Variants in TRPM1 observed in about 807,000 individuals in gnomAD.
The protein encoded by TRPM1 is transient receptor potential cation channel subfamily M member 1, also known as TRPM1-203 APA Isoform, Intron 10.
Under a neutral mutation model 149.4 loss-of-function variants are expected in TRPM1, and 113 were observed. The ratio of observed to expected loss-of-function variants is 0.76; its 90% CI spans 0.65 to 0.88. The LOEUF is 0.88. TRPM1 is among the 40% of genes least tolerant of loss of function. The probability of loss-of-function intolerance (pLI) is 0.00; values close to 1 mark genes in which losing one functional copy is unlikely to be tolerated. For synonymous variants in TRPM1, 741 were observed against 759.5 expected, an observed-to-expected ratio of 0.98 and a Z score of 0.40; for missense variants, 1,976 against 2,038.7, an observed-to-expected ratio of 0.97 and a Z score of 0.59.
intron 27 of TRPM1, among the ~76,000 whole-genome samples, chr15:31,007,053 T>C (rs1459496851): frequency 2.0e-5 from 3 of 152,180 alleles, no homozygotes; most frequent in Non-Finnish European, 4.4e-5. Context: ...TGATTATGCT[T>C]TTGGTGTTGC....
intron 27 of TRPM1, among the ~76,000 whole-genome samples, chr15:31,012,850 C>T (rs187987956): frequency 7.6e-4 from 115 of 152,224 alleles, no homozygotes; most frequent in Non-Finnish European, 1.2e-3. Context: ...ATTTATCTTC[C>T]AGTTTGCTGA....
chr15:31,018,919 G>A (rs187029729), intron 27 of TRPM1, among the ~76,000 whole-genome samples: 2 of 152,346 alleles, frequency 1.3e-5, no homozygotes, highest in East Asian at 3.9e-4. Flanking sequence ...GCCTCCCAAA[G>A]TGCTGAGATT....
chr15:31,126,152 G>C (rs1028004932), intron 1 of TRPM1, among the ~76,000 whole-genome samples: 1 of 151,752 alleles, frequency 6.6e-6, no homozygotes, highest in East Asian at 1.9e-4. Context: ...CAAAAAGAAA[G>C]AAACAAACAA....
chr15:31,159,265 T>G (rs143632402), intron 1 of TRPM1, among the ~76,000 whole-genome samples: 1 of 152,250 alleles, frequency 6.6e-6, no homozygotes, highest in African/African-American at 2.4e-5. Flanking sequence ...ACCCTACCCA[T>G]TGCAATTTCA....
At chr15:31,113,361 G>A (rs893203590) in intron 1 of TRPM1, among the ~76,000 whole-genome samples, 4 of 151,892 alleles carry the variant, frequency 2.6e-5, no homozygotes, top group Admixed American at 6.6e-5. Flanking sequence ...GGGCCACCAT[G>A]GACTGTCACA....
At chr15:31,095,636 G>C (rs2035359167) in intron 1 of TRPM1, among the ~76,000 whole-genome samples, 1 of 152,066 alleles carries the variant, frequency 6.6e-6, no homozygotes. Context: ...GGTGAGCTGA[G>C]ATCACACCAC....
intron 1 of TRPM1, among the ~76,000 whole-genome samples, chr15:31,090,671 C>T (rs2035211596): frequency 6.6e-6 from 1 of 151,614 alleles, no homozygotes; most frequent in Admixed American, 6.6e-5. Context: ...AGAAACTGCA[C>T]CCTGGAAAAA....
rs763548530 is a variant in TRPM1 at position 31,035,725 on chromosome 15, C to G, written c.2572-51G>C. ...GTGTTTGGGGGAATCACATAGCAAT[C>G]AAATTTTGAAACGCTGTTTTCTTTC... On this transcript the variant is annotated intron_variant, in intron 20 of 27. Coordinates refer to ENST00000256552, the MANE Select transcript of TRPM1 (RefSeq NM_001252024.2). 1.2e-5 allele frequency: 19 copies of G among 1,613,472 alleles called. No homozygotes were observed. In the Admixed American group the frequency reaches 2.8e-4, roughly 24 times the overall value.
In TRPM1 at chr15:31,002,970, C is replaced by A. The variant is rs267604151; in HGVS notation, c.3730G>T (p.Glu1244Ter). ...GCATTCACCATTCTGTTAGATAATT[C>A]TTCTAGCTGAGCAAGTCGAAGGTCA... Reference protein sequence around the residue: ...TVDLRLAQLEELSNRMVNALE... With the variant: ...TVDLRLAQLE The change falls in exon 28 of 28, where the codon GAA (glutamate) becomes TAA (stop). Residue 1244 changes from glutamate to a stop codon, truncating the protein, a stop_gained. Transcript: ENST00000256552. LOFTEE classifies it low-confidence loss of function (END_TRUNC). 8 of 1,597,976 alleles carry A rather than the reference C, an allele frequency of 5.0e-6. 1 individual carries two copies. In the Admixed American group the frequency reaches 8.7e-5, roughly 17 times the overall value.
intron 1 of TRPM1, among the ~76,000 whole-genome samples, chr15:31,088,503 G>A (rs976739252): frequency 2.0e-5 from 3 of 152,202 alleles, no homozygotes; most frequent in Non-Finnish European, 4.4e-5. Flanking sequence ...CACCTGGAAA[G>A]ACGAGCAACT....
At chr15:31,089,933 G>C (rs11855260) in intron 1 of TRPM1, among the ~76,000 whole-genome samples, 4,822 of 152,162 alleles carry the variant, frequency 0.032, 272 homozygotes, top group African/African-American at 0.11. Context: ...AGCACCGTGT[G>C]GGGGTGGGAA....
At chr15:31,087,231 A>ATTTTTTTTTTTTTTTTTTTTT (rs58872566) in intron 1 of TRPM1, among the ~76,000 whole-genome samples, 1 of 59,402 alleles carries the variant, frequency 1.7e-5, no homozygotes, top group Non-Finnish European at 2.9e-5. Flanking sequence ...CTCAATAGGG[A>ATTTTTTTTTTTTTTTTTTTTT]TTTTTTTTTT....
chr15:31,045,103 T>G (rs2033727453), intron 16 of TRPM1, among the ~76,000 whole-genome samples: 1 of 152,108 alleles, frequency 6.6e-6, no homozygotes, highest in South Asian at 2.1e-4. Context: ...CCTGGAGAGT[T>G]TGAGAGAACA....
intron 27 of TRPM1, among the ~76,000 whole-genome samples, chr15:31,020,531 T>C (rs1287655161): frequency 1.3e-5 from 2 of 152,236 alleles, no homozygotes; most frequent in African/African-American, 4.8e-5. Context: ...CTAATTTAAC[T>C]TGCATCTTTG....
intron 21 of TRPM1, among the ~76,000 whole-genome samples, chr15:31,033,768 G>A (rs1438060132): frequency 1.3e-5 from 2 of 152,202 alleles, no homozygotes; most frequent in Non-Finnish European, 2.9e-5. Context: ...AAAGAACAGT[G>A]TCTCGGTGTA....
chr15:31,127,233 G>C (rs2035962627), intron 1 of TRPM1, among the ~76,000 whole-genome samples: 1 of 152,120 alleles, frequency 6.6e-6, no homozygotes. Context: ...CATCTCCAAG[G>C]ATGCCCAGTC....
chr15:31,027,608 G>T (rs1466316293), intron 25 of TRPM1, among the ~76,000 whole-genome samples: 5 of 152,144 alleles, frequency 3.3e-5, no homozygotes, highest in Non-Finnish European at 7.4e-5. Flanking sequence ...GTAAGTGCAT[G>T]ATTTCATTGT....
chr15:31,095,968 C>T (rs932633072), intron 1 of TRPM1, among the ~76,000 whole-genome samples: 1 of 151,988 alleles, frequency 6.6e-6, no homozygotes, highest in Non-Finnish European at 1.5e-5. Context: ...ATCGCTTGAA[C>T]ATGGGAGGTG....
intron 27 of TRPM1, among the ~76,000 whole-genome samples, chr15:31,004,646 A>G (rs188235087): frequency 6.6e-6 from 1 of 152,158 alleles, no homozygotes; most frequent in East Asian, 1.9e-4. Flanking sequence ...CAAATTCACC[A>G]TGCATGAGAA....
Sources: gnomAD v4.1 joint callset for allele counts (sites outside exome capture counted in the v4.1 genomes callset) on GRCh38, gnomAD v4.1.1 for gene constraint, MANE v1.5 for transcripts, NCBI Gene and HGNC (gene_info 2026-07-23, HGNC 2026-07-21) for gene names.